The following UBR1 variants were observed in gnomAD, a reference collection of about 807,000 sequenced individuals.
The protein encoded by UBR1 is ubiquitin protein ligase E3 component n-recognin 1, also known as E3 ubiquitin-protein ligase UBR1.
In UBR1, 102 loss-of-function variants were observed where a neutral mutation model predicts 242.1. That is an observed-to-expected ratio of 0.42 (90% CI 0.36 to 0.50). The LOEUF (loss-of-function observed/expected upper bound fraction) is 0.50. Ranked by LOEUF, UBR1 falls within the 20% of genes least tolerant of loss-of-function variation. The probability of loss-of-function intolerance (pLI) is 0.01; values close to 1 mark genes in which losing one functional copy is unlikely to be tolerated. For synonymous variants in UBR1, 675 were observed against 684.8 expected (o/e 0.99, Z 0.22); for missense variants, 1,772 against 2,101.8 (o/e 0.84, Z 3.07).
At chr15:42,950,836 T>C (rs1227242670) in intron 45 of UBR1, among the ~76,000 whole-genome samples, 3 of 152,194 alleles carry the variant, frequency 2.0e-5, no homozygotes, top group Non-Finnish European at 2.9e-5. Context: ...ACACTGCAGA[T>C]TAAAAGAGCC....
rs768716127 is a variant in UBR1 at position 42,945,459 on chromosome 15, G to A, written c.5120C>T (p.Pro1707Leu). The change falls in exon 47 of 47, where the codon CCC becomes CTC. Residue 1707 changes from proline to leucine, a missense_variant. Around this residue, in one of 3 missense-constraint regions of UBR1, gnomAD observed 965 missense variants for 1,079.7 expected, o/e 0.89. Coordinates refer to ENST00000290650, the MANE Select transcript of UBR1 (RefSeq NM_174916.3). Reference protein sequence around the residue: ...ETDPGLKRGNPLHLSRERYRK... With the variant: ...ETDPGLKRGNLLHLSRERYRK... ...ATACCGCTCACGAGATAAATGAAGG[G>A]GGTTGCCCCTCCTTTAGGGAAAAAA... The A allele has an allele frequency of 6.2e-7, 1 of 1,613,898 alleles. No individual in the cohort carries two copies. Among genetic ancestry groups the A allele is most frequent in the Non-Finnish European group, 8.5e-7 (1 of 1,180,020 alleles).
At position 42,970,445 on chromosome 15, in the gene UBR1, A is replaced by C. The variant is rs375924542; in HGVS notation, c.4457+75T>G. ...TTTTTAACTGGAATTTAAATGATTC[A>C]AATGTTACGTTGCCAAACAACTGAA... On this transcript the variant is annotated intron_variant, in intron 40 of 46. Coordinates refer to ENST00000290650, the MANE Select transcript of UBR1 (RefSeq NM_174916.3). 1.4e-4 allele frequency: 200 copies of C among 1,447,148 alleles called. No homozygotes were observed. In the African/African-American group the frequency reaches 2.3e-3, roughly 16 times the overall value. 89.6% of individuals were successfully genotyped at this position (1,447,148 alleles called of 1,614,324 possible).
chr15:43,040,938 A>T (rs943296411), intron 15 of UBR1, among the ~76,000 whole-genome samples: 1 of 152,166 alleles, frequency 6.6e-6, no homozygotes, highest in African/African-American at 2.4e-5. Flanking sequence ...AAAAGTCAGG[A>T]AACAACAAGT....
Position 43,082,664 on chromosome 15 carries a change from T to C in UBR1, c.391A>G (p.Ser131Gly). Reference sequence around the variant, plus strand: ...TTGTAACGATGATTTTTATGAACACTGTCCTGGAAGCAGTCCATACAGAGT... The same window carrying C: ...TTGTAACGATGATTTTTATGAACACCGTCCTGGAAGCAGTCCATACAGAGT... ...CVLCMDCFQD[S>G]VHKNHRYKMH... The change falls in exon 3 of 47, where the codon AGT becomes GGT. Residue 131 changes from serine (S) to glycine (G), a missense_variant. This residue lies in a region of UBR1 where 734 missense variants were observed against 893.3 expected (regional missense o/e 0.82). Coordinates refer to ENST00000290650, the MANE Select transcript of UBR1 (RefSeq NM_174916.3). 1 of 1,613,878 alleles carries C rather than the reference T, an allele frequency of 6.2e-7. No homozygotes were observed. Among genetic ancestry groups the C allele is most frequent in the African/African-American group, 1.3e-5 (1 of 75,048 alleles).
intron 42 of UBR1, among the ~76,000 whole-genome samples, chr15:42,961,986 A>C (rs572887300): frequency 6.7e-6 from 1 of 149,754 alleles, no homozygotes; most frequent in African/African-American, 2.5e-5. Flanking sequence ...GGCTGGTCTC[A>C]AACTCCTGAC....
intron 12 of UBR1, among the ~76,000 whole-genome samples, chr15:43,051,086 A>G (rs2033549616): frequency 6.6e-6 from 1 of 152,178 alleles, no homozygotes; most frequent in Non-Finnish European, 1.5e-5. Context: ...TATTCACCCA[A>G]AGGAATATAA....
chr15:43,020,673 C>T (rs1017753209), intron 27 of UBR1, among the ~76,000 whole-genome samples: 7 of 152,178 alleles, frequency 4.6e-5, no homozygotes, highest in Admixed American at 3.9e-4. Flanking sequence ...CCTACAAGAT[C>T]CGGCCCCTGG....
At chr15:42,988,267 ATATGTG>A (rs2032504840) in intron 35 of UBR1, among the ~76,000 whole-genome samples, 2 of 113,626 alleles carry the variant, frequency 1.8e-5, no homozygotes, top group African/African-American at 5.2e-5. Flanking sequence ...CTAAAGGAAT[ATATGTG>A]TGTGTGTGTG....
In UBR1 at chr15:42,984,952, T is replaced by TAA; in HGVS notation, c.3998-12_3998-11dup. On this transcript the variant is annotated splice_polypyrimidine_tract_variant and intron_variant, in intron 35 of 46. Coordinates refer to ENST00000290650, the MANE Select transcript of UBR1 (RefSeq NM_174916.3). ...TCTCCCAATAGATTTTCTCAAAGAA[T>TAA]AAAAAAAAATAAAAATAATAAATCC... The TAA allele has an allele frequency of 1.3e-6, 2 of 1,564,208 alleles. No homozygotes were observed. The highest frequency in any genetic ancestry group is 1.8e-6 in the Non-Finnish European group (2 of 1,139,878).
At chr15:43,037,739 C>T (rs1408169233) in intron 17 of UBR1, 34 bp downstream of exon 17, 1 of 1,563,300 alleles carries the variant, frequency 6.4e-7, no homozygotes, top group Admixed American at 1.7e-5. Flanking sequence ...AAAATGAGCA[C>T]ATTCATAAAT....
At chr15:42,949,177 G>A (rs1358778278) in intron 46 of UBR1, among the ~76,000 whole-genome samples, 1 of 150,218 alleles carries the variant, frequency 6.7e-6, no homozygotes, top group Non-Finnish European at 1.5e-5. Context: ...ACTATTGCAA[G>A]GACAAAAAAC....
chr15:42,992,952 G>C (rs1233336119), intron 33 of UBR1, among the ~76,000 whole-genome samples: 2 of 152,192 alleles, frequency 1.3e-5, no homozygotes, highest in African/African-American at 4.8e-5. Flanking sequence ...ACAGAGACTG[G>C]TTTTCTCTTG....
intron 36 of UBR1, among the ~76,000 whole-genome samples, chr15:42,984,242 C>T (rs563835257): frequency 2.2e-4 from 34 of 152,244 alleles, no homozygotes; most frequent in African/African-American, 1.4e-4. Context: ...TTAATTTTCA[C>T]ATAAAAAGTG....
Position 43,059,080 on chromosome 15 carries a change from C to T in UBR1, c.1093+5G>A, listed in dbSNP as rs766822687. On this transcript the variant is annotated splice_donor_5th_base_variant and intron_variant, in intron 9 of 46. Coordinates refer to ENST00000290650, the MANE Select transcript of UBR1 (RefSeq NM_174916.3). ...GACAAACAGCATAAGCAAATGTCTA[C>T]TTACCTTTATAAAGCTTTGCATCCC... 3 of 1,612,042 alleles carry T rather than the reference C, an allele frequency of 1.9e-6. No individual in the cohort carries two copies. Among genetic ancestry groups the T allele is most frequent in the Non-Finnish European group, 2.5e-6 (3 of 1,178,164 alleles).
intron 29 of UBR1, among the ~76,000 whole-genome samples, chr15:43,008,836 G>C (rs1305592720): frequency 6.6e-6 from 1 of 152,188 alleles, no homozygotes; most frequent in Non-Finnish European, 1.5e-5. Flanking sequence ...TTGCTGGGAT[G>C]ACCTGCCTGT....
At chr15:43,086,352 C>A in intron 1 of UBR1, 112 bp from the exon 2 acceptor site, 2 of 1,234,728 alleles carry the variant, frequency 1.6e-6, no homozygotes, top group East Asian at 3.0e-5. Flanking sequence ...CAGTATATTT[C>A]ATCTTTCACC....
chr15:42,961,752 C>G (rs1044359645), intron 42 of UBR1, among the ~76,000 whole-genome samples: 2 of 150,382 alleles, frequency 1.3e-5, no homozygotes, highest in Non-Finnish European at 3.0e-5. Context: ...TCTTTCTATA[C>G]TTATCTTTTT....
chr15:42,966,343 T>C, intron 40 of UBR1, 57 bp from the exon 41 acceptor site: 1 of 1,595,136 alleles, frequency 6.3e-7, no homozygotes, highest in Non-Finnish European at 8.6e-7. Context: ...AAGCCCTAGA[T>C]TTAAACATAT....
intron 3 of UBR1, among the ~76,000 whole-genome samples, chr15:43,077,688 A>T (rs1217338481): frequency 4.0e-5 from 6 of 151,006 alleles, no homozygotes; most frequent in African/African-American, 1.5e-4. Context: ...AAAAATAAAA[A>T]TAAAATAAAA....
Sources: allele counts gnomAD v4.1 joint callset (sites outside exome capture counted in the v4.1 genomes callset), GRCh38; gene constraint gnomAD v4.1.1; regional missense constraint gnomAD v4.1.1; transcripts MANE v1.5; gene names NCBI Gene and HGNC (gene_info 2026-07-23, HGNC 2026-07-21).